APBB2: variants seen among roughly 807,000 people sequenced by gnomAD.
APBB2 encodes the protein Fe65-like 1.
A neutral mutation model predicts 82.5 loss-of-function variants in APBB2; 38 were observed. The observed-to-expected ratio is 0.46, with a 90% CI of 0.36 to 0.60. The LOEUF (loss-of-function observed/expected upper bound fraction) is 0.60. Among genes scored for constraint, APBB2 ranks in the 20% least tolerant of loss-of-function variants. The pLI, the probability that APBB2 is intolerant of heterozygous loss-of-function variation, is 0.00. For missense variants in APBB2, 772 were observed against 972.3 expected (o/e 0.79, Z 2.74); for synonymous variants, 341 against 368.2 (o/e 0.93, Z 0.85).
intron 3 of APBB2, among the ~76,000 whole-genome samples, chr4:41,092,818 T>C (rs1269661732): frequency 6.6e-6 from 1 of 152,134 alleles, no homozygotes; most frequent in East Asian, 1.9e-4. Context: ...TTTAAATTCA[T>C]GAAAGAAAAT....
At chr4:41,060,918 T>C (rs1361077558) in intron 4 of APBB2, among the ~76,000 whole-genome samples, 1 of 152,016 alleles carries the variant, frequency 6.6e-6, no homozygotes, top group Non-Finnish European at 1.5e-5. Flanking sequence ...CTAACAACAA[T>C]AACGATCATT....
intron 2 of APBB2, among the ~76,000 whole-genome samples, chr4:41,129,041 T>C (rs978301285): frequency 3.9e-5 from 6 of 152,028 alleles, no homozygotes; most frequent in African/African-American, 1.2e-4. Context: ...CAAATCCTAT[T>C]AATCCTACCC....
chr4:41,140,493 C>T (rs1209599882), intron 2 of APBB2, among the ~76,000 whole-genome samples: 1 of 152,186 alleles, frequency 6.6e-6, no homozygotes, highest in Non-Finnish European at 1.5e-5. Flanking sequence ...TTCCTAATTC[C>T]ATCTCTGTTC....
At chr4:40,957,316 A>AT (rs34681125) in intron 6 of APBB2, among the ~76,000 whole-genome samples, 12,833 of 151,646 alleles carry the variant, frequency 0.085, 582 homozygotes, top group Middle Eastern at 0.14. Context: ...CAACAATCAC[A>AT]TTTTTTTTTA....
intron 12 of APBB2, among the ~76,000 whole-genome samples, chr4:40,879,092 A>G (rs1767666700): frequency 6.6e-6 from 1 of 152,030 alleles, no homozygotes. Context: ...ACAAAGAAAC[A>G]TGAGACCCAG....
chr4:41,036,503 T>C (rs12501316), intron 4 of APBB2, among the ~76,000 whole-genome samples: 40,369 of 152,166 alleles, frequency 0.27, 6,557 homozygotes, highest in East Asian at 0.55. Flanking sequence ...GAGCAGGGGA[T>C]ACTTTAGTGA....
intron 10 of APBB2, among the ~76,000 whole-genome samples, chr4:40,918,719 T>C (rs1780487550): frequency 6.7e-6 from 1 of 148,658 alleles, no homozygotes; most frequent in Non-Finnish European, 1.5e-5. Flanking sequence ...CCTTCCTTCC[T>C]TCCTCCCTCC....
chr4:40,941,535 C>T (rs962554519), intron 7 of APBB2, among the ~76,000 whole-genome samples: 2 of 152,092 alleles, frequency 1.3e-5, no homozygotes, highest in African/African-American at 4.8e-5. Flanking sequence ...TGTGTCTTGC[C>T]CAAACTCCTC....
intron 6 of APBB2, among the ~76,000 whole-genome samples, chr4:40,983,191 C>T (rs969140434): frequency 1.3e-5 from 2 of 152,176 alleles, no homozygotes; most frequent in Admixed American, 1.3e-4. Flanking sequence ...AAGTGACTTG[C>T]CTCGGTTCAT....
intron 2 of APBB2, among the ~76,000 whole-genome samples, chr4:41,105,570 C>A (rs1292052725): frequency 2.0e-5 from 3 of 152,144 alleles, no homozygotes; most frequent in East Asian, 3.8e-4. Context: ...TAAAATGCTG[C>A]GCATATGCAC....
intron 10 of APBB2, among the ~76,000 whole-genome samples, chr4:40,907,371 ATATATATATTTTT>A (rs1277101482): frequency 3.9e-4 from 17 of 43,098 alleles, no homozygotes; most frequent in Middle Eastern, 9.1e-3. Context: ...ATATATATAT[ATATATATATTTTT>A]TTTTTTTTTT....
At chr4:41,090,574 T>C (rs1283405271) in intron 3 of APBB2, among the ~76,000 whole-genome samples, 1 of 152,234 alleles carries the variant, frequency 6.6e-6, no homozygotes, top group Non-Finnish European at 1.5e-5. Context: ...ATTTAGTTCA[T>C]CAAAGCAGTC....
intron 10 of APBB2, among the ~76,000 whole-genome samples, chr4:40,894,437 G>C (rs907673173): frequency 6.6e-6 from 1 of 152,086 alleles, no homozygotes; most frequent in Non-Finnish European, 1.5e-5. Context: ...TAAGCACCTA[G>C]AAACAGTGGA....
chr4:40,930,952 T>G (rs1784087806), intron 10 of APBB2, among the ~76,000 whole-genome samples: 1 of 152,160 alleles, frequency 6.6e-6, no homozygotes, highest in Non-Finnish European at 1.5e-5. Flanking sequence ...TTTCACTGTG[T>G]TAGCCCAGAT....
intron 12 of APBB2, among the ~76,000 whole-genome samples, chr4:40,833,102 C>G (rs1158363808): frequency 1.3e-5 from 2 of 152,208 alleles, no homozygotes; most frequent in Non-Finnish European, 2.9e-5. Flanking sequence ...AGATCACACT[C>G]AAGGGATGCC....
At chr4:40,992,809 T>C (rs964097949) in intron 6 of APBB2, among the ~76,000 whole-genome samples, 2 of 152,106 alleles carry the variant, frequency 1.3e-5, no homozygotes, top group African/African-American at 4.8e-5. Flanking sequence ...CCGAGGCTCA[T>C]GGGCAATGAC....
At chr4:40,860,255 C>T (rs1278017147) in intron 12 of APBB2, among the ~76,000 whole-genome samples, 2 of 152,156 alleles carry the variant, frequency 1.3e-5, no homozygotes, top group Admixed American at 6.5e-5. Context: ...TTGGGATACA[C>T]TAGAGGGTCT....
chr4:40,930,462 C>CGCGCGT (rs59741554), intron 10 of APBB2, among the ~76,000 whole-genome samples: 1 of 103,722 alleles, frequency 9.6e-6, no homozygotes, highest in African/African-American at 4.5e-5. Flanking sequence ...CGCGCGCGCG[C>CGCGCGT]GCGCGTGCGC....
chr4:41,090,189 C>G (rs1741208959), intron 3 of APBB2, among the ~76,000 whole-genome samples: 1 of 150,998 alleles, frequency 6.6e-6, no homozygotes, highest in Non-Finnish European at 1.5e-5. Context: ...TTTCTATAAA[C>G]CTCTGACAGA....
Sources: gnomAD v4.1 joint callset for allele counts (sites outside exome capture counted in the v4.1 genomes callset) on GRCh38, gnomAD v4.1.1 for gene constraint, MANE v1.5 for transcripts, NCBI Gene and HGNC (gene_info 2026-07-23, HGNC 2026-07-21) for gene names.